Variants in LSAMP observed in about 807,000 individuals in gnomAD.
The protein encoded by LSAMP is limbic system associated membrane protein, also known as limbic system-associated membrane protein.
Under a neutral mutation model 38.6 loss-of-function variants are expected in LSAMP, and 7 were observed. That is an observed-to-expected ratio of 0.18 (90% CI 0.10 to 0.34). LSAMP has a LOEUF of 0.34. LSAMP is among the 10% of genes least tolerant of loss of function. LSAMP has a pLI of 1.00. For synonymous variants in LSAMP, 154 were observed against 166.8 expected (o/e 0.92, Z 0.59); for missense variants, 313 against 420.0 (o/e 0.75, Z 2.23).
intron 3 of LSAMP, among the ~76,000 whole-genome samples, chr3:115,876,149 A>G (rs1936173627): frequency 6.6e-6 from 1 of 151,792 alleles, no homozygotes; most frequent in African/African-American, 2.4e-5. Context: ...TTACTGATTC[A>G]GATATTTTGC....
intron 3 of LSAMP, among the ~76,000 whole-genome samples, chr3:115,942,657 T>A (rs998026306): frequency 1.3e-5 from 2 of 152,208 alleles, no homozygotes; most frequent in African/African-American, 2.4e-5. Context: ...ATCTCTGATG[T>A]GCTAATGTTG....
intron 3 of LSAMP, among the ~76,000 whole-genome samples, chr3:115,885,713 C>T (rs1368570928): frequency 6.6e-6 from 1 of 150,970 alleles, no homozygotes; most frequent in African/African-American, 2.5e-5. Flanking sequence ...TTAGATGCTT[C>T]TTATCAATCG....
intron 6 of LSAMP, among the ~76,000 whole-genome samples, chr3:115,825,096 C>A (rs1335797995): frequency 6.6e-6 from 1 of 152,156 alleles, no homozygotes; most frequent in African/African-American, 2.4e-5. Flanking sequence ...ATTCAAATAA[C>A]ATGAAACGAG....
At chr3:116,211,547 A>T (rs560233711) in intron 1 of LSAMP, among the ~76,000 whole-genome samples, 3 of 152,350 alleles carry the variant, frequency 2.0e-5, no homozygotes, top group Non-Finnish European at 4.4e-5. Context: ...TACTCTGTAA[A>T]TACAGAAATA....
At chr3:116,381,588 G>C (rs543938211) in intron 1 of LSAMP, among the ~76,000 whole-genome samples, 4 of 152,168 alleles carry the variant, frequency 2.6e-5, no homozygotes, top group African/African-American at 9.6e-5. Flanking sequence ...TTACTTTTCA[G>C]AAACCTATCA....
At chr3:116,440,156 T>C (rs1006597168) in intron 1 of LSAMP, among the ~76,000 whole-genome samples, 3 of 152,184 alleles carry the variant, frequency 2.0e-5, no homozygotes, top group South Asian at 2.1e-4. Context: ...GGTAGGACAT[T>C]GAGAGAAAAA....
At chr3:115,824,845 A>G (rs1934357771) in intron 6 of LSAMP, among the ~76,000 whole-genome samples, 1 of 152,200 alleles carries the variant, frequency 6.6e-6, no homozygotes, top group Non-Finnish European at 1.5e-5. Flanking sequence ...GTATACTCTA[A>G]AGCCTTTTGT....
intron 1 of LSAMP, among the ~76,000 whole-genome samples, chr3:116,396,473 C>T (rs949052670): frequency 6.6e-6 from 1 of 152,178 alleles, no homozygotes; most frequent in African/African-American, 2.4e-5. Context: ...TGTTATGACA[C>T]TTATTTTCTT....
chr3:116,269,332 A>G (rs768699626), intron 1 of LSAMP, among the ~76,000 whole-genome samples: 1 of 152,130 alleles, frequency 6.6e-6, no homozygotes, highest in Non-Finnish European at 1.5e-5. Flanking sequence ...TAAATAAAAT[A>G]TGCAACACAC....
intron 1 of LSAMP, among the ~76,000 whole-genome samples, chr3:116,341,747 T>C (rs1037634170): frequency 6.6e-6 from 1 of 151,882 alleles, no homozygotes; most frequent in Non-Finnish European, 1.5e-5. Flanking sequence ...AGCAAAAATA[T>C]AGAGAAATGA....
At chr3:116,441,540 C>T (rs1202536902) in intron 1 of LSAMP, among the ~76,000 whole-genome samples, 2 of 151,896 alleles carry the variant, frequency 1.3e-5, no homozygotes, top group African/African-American at 4.8e-5. Context: ...TTTGAAATAC[C>T]CTCTATTTCT....
intron 3 of LSAMP, among the ~76,000 whole-genome samples, chr3:115,986,175 T>C (rs1317939892): frequency 6.6e-6 from 1 of 152,086 alleles, no homozygotes; most frequent in East Asian, 1.9e-4. Flanking sequence ...CAATGAAACC[T>C]CTTAGTTGAT....
chr3:116,103,773 A>G (rs1576364263), intron 1 of LSAMP, among the ~76,000 whole-genome samples: 1 of 152,182 alleles, frequency 6.6e-6, no homozygotes, highest in East Asian at 1.9e-4. Context: ...CTGTAAAATT[A>G]AGGAAGTCAG....
intron 3 of LSAMP, among the ~76,000 whole-genome samples, chr3:115,854,270 A>AT (rs1559851795): frequency 2.8e-4 from 34 of 119,908 alleles, no homozygotes; most frequent in African/African-American, 1.3e-4. Flanking sequence ...TATTATTATT[A>AT]TTATTATTAT....
chr3:116,167,189 T>G (rs1426023801), intron 1 of LSAMP, among the ~76,000 whole-genome samples: 1 of 152,140 alleles, frequency 6.6e-6, no homozygotes, highest in Non-Finnish European at 1.5e-5. Flanking sequence ...TCAGTGCACC[T>G]GTCACCCAAG....
At position 115,868,408 on chromosome 3, in the gene LSAMP, C is replaced by T. The variant is rs140964012; in HGVS notation, c.515-15791G>A. On this transcript the variant is annotated intron_variant, in intron 3 of 6. Coordinates refer to ENST00000490035, the MANE Select transcript of LSAMP (RefSeq NM_002338.5). ...GCCATTGAGAAATCTATCCCTCTCT[C>T]CATCAAGTTGTCAAAACAGGAATAT... Among the ~76,000 whole-genome samples the T allele has an allele frequency of 6.8e-3, 1,041 of 152,176 alleles. 7 individuals are homozygous for T. The highest frequency in any genetic ancestry group is 1.0e-2 in the Non-Finnish European group (679 of 68,000).
intron 6 of LSAMP, among the ~76,000 whole-genome samples, chr3:115,812,949 T>G (rs1475859571): frequency 6.6e-6 from 1 of 152,186 alleles, no homozygotes; most frequent in Non-Finnish European, 1.5e-5. Context: ...TATATGAACC[T>G]AGATAAACAT....
intron 6 of LSAMP, among the ~76,000 whole-genome samples, chr3:115,814,745 T>TA (rs1156927789): frequency 6.6e-6 from 1 of 152,130 alleles, no homozygotes; most frequent in East Asian, 1.9e-4. Context: ...CCAGAGGAGT[T>TA]AAAGTTTGAA....
chr3:115,945,152 C>G (rs1172316757), intron 3 of LSAMP, among the ~76,000 whole-genome samples: 3 of 152,028 alleles, frequency 2.0e-5, no homozygotes, highest in Admixed American at 2.0e-4. Context: ...CATAAACTTT[C>G]GAATTACGGC....
Sources: gnomAD v4.1 joint callset for allele counts (sites outside exome capture counted in the v4.1 genomes callset) on GRCh38, gnomAD v4.1.1 for gene constraint, MANE v1.5 for transcripts, NCBI Gene and HGNC (gene_info 2026-07-23, HGNC 2026-07-21) for gene names.